Variants in MINAR1 observed in about 807,000 individuals in gnomAD.
MINAR1 encodes the protein major intrinsically disordered Notch2-binding receptor 1.
MINAR1 carries 40 observed loss-of-function variants against 65.1 expected under a neutral mutation model. The observed-to-expected ratio is 0.61, with a 90% CI of 0.48 to 0.80. MINAR1 has a LOEUF of 0.80. Ranked by LOEUF, MINAR1 falls within the 30% of genes least tolerant of loss-of-function variation. The pLI is 0.00. For missense variants in MINAR1, 1,128 were observed against 1,148.0 expected, an observed-to-expected ratio of 0.98 and a Z score of 0.25; for synonymous variants, 482 against 449.1, an observed-to-expected ratio of 1.07 and a Z score of -0.93.
chr15:79,428,026 C>G (rs1006360369), upstream of MINAR1, among the ~76,000 whole-genome samples: 4 of 152,158 alleles, frequency 2.6e-5, no homozygotes, highest in African/African-American at 9.7e-5. Flanking sequence ...CTCTCAGGAT[C>G]CAAAAGGAGA....
Position 79,469,539 on chromosome 15 carries a change from G to GTCTA in MINAR1, c.*1169_*1172dup, listed in dbSNP as rs373291507. 143 of 151,558 alleles carry GTCTA rather than the reference G, an allele frequency of 9.4e-4. No individual in the cohort carries two copies. The highest frequency in any genetic ancestry group is 2.6e-3 in the African/African-American group (105 of 40,934). The allele number at this position is 151,558 out of a possible 1,614,324, so 9.4% of individuals were successfully genotyped here. ...TATCTGTTTAACCACTTATCTATAT[G>GTCTA]TCTATCTATCTATCTATATGTCTAT... is the stretch of plus-strand genomic sequence containing the variant. On this transcript the variant is annotated 3_prime_UTR_variant, in exon 4 of 4. Coordinates refer to ENST00000305428, the MANE Select transcript of MINAR1 (RefSeq NM_015206.3).
the MINAR1 span, chr15:79,423,731 C>T: frequency 2.0e-5 from 3 of 152,236 alleles, no homozygotes; most frequent in Non-Finnish European, 4.4e-5. Context: ...TGCTCCAGCT[C>T]TTCTTATCTT....
At chr15:79,441,707 A>G (rs1430296363) in intron 1 of MINAR1, among the ~76,000 whole-genome samples, 1 of 152,158 alleles carries the variant, frequency 6.6e-6, no homozygotes, top group Non-Finnish European at 1.5e-5. Flanking sequence ...ATTCTCCCCA[A>G]CAGTGGTATG....
intron 1 of MINAR1, among the ~76,000 whole-genome samples, chr15:79,434,994 G>A (rs1311938496): frequency 6.6e-6 from 1 of 152,190 alleles, no homozygotes; most frequent in Admixed American, 6.5e-5. Context: ...AAGGTAAGTG[G>A]CCGGGAGCTG....
chr15:79,461,165 C>A (rs1895629591), intron 2 of MINAR1, among the ~76,000 whole-genome samples: 1 of 152,246 alleles, frequency 6.6e-6, no homozygotes, highest in African/African-American at 2.4e-5. Flanking sequence ...AGTGAGAACA[C>A]AAACTCAGTG....
Position 79,460,250 on chromosome 15 carries a change from G to A in MINAR1, c.2298+1805G>A, listed in dbSNP as rs145360315. 3.7e-4 allele frequency among the ~76,000 whole-genome samples: 57 copies of A among 152,232 alleles called. 1 individual carries two copies. Among genetic ancestry groups the A allele is most frequent in the African/African-American group, 1.3e-3 (53 of 41,538 alleles). ...GATTCCCATGGTAGTGACCAGACCC[G>A]GCCCACCTTTGGAGCTTTGGTTGCA... On this transcript the variant is annotated intron_variant, in intron 2 of 3. Transcript: ENST00000305428.
chr15:79,439,345 T>TGGGC, intron 1 of MINAR1, among the ~76,000 whole-genome samples: 1 of 40,846 alleles, frequency 2.4e-5, no homozygotes, highest in Non-Finnish European at 5.5e-5. Context: ...AGGCAGTGTG[T>TGGGC]GTGTGGGTAA....
chr15:79,456,256 CG>C lies in MINAR1; in HGVS notation c.111del (p.Phe38SerfsTer9). 1 of 1,614,092 alleles carries C rather than the reference CG, an allele frequency of 6.2e-7. No individual in the cohort carries two copies. On this transcript the variant is annotated frameshift_variant, in exon 2 of 4. Transcript: ENST00000305428. LOFTEE classifies it high-confidence loss of function. ...YQDLCKSLCA[R>X]FDLSQLAKLR... is the part of the protein sequence containing the mutation. ...GGACCTGTGCAAATCTCTCTGTGCC[CG>C]GTTCGACCTGTCGCAGCTTGCCAAA...
upstream of MINAR1, among the ~76,000 whole-genome samples, chr15:79,428,419 T>C (rs1352465989): frequency 2.7e-5 from 3 of 111,732 alleles, no homozygotes; most frequent in Non-Finnish European, 5.7e-5. Flanking sequence ...CCTCCTTCCT[T>C]CATTCTTTCC....
intron 1 of MINAR1, among the ~76,000 whole-genome samples, chr15:79,435,045 C>G (rs374725940): frequency 6.6e-6 from 1 of 152,270 alleles, no homozygotes; most frequent in Non-Finnish European, 1.5e-5. Flanking sequence ...GAGGCCGAAG[C>G]GGGTGGATCA....
chr15:79,462,757 T>C (rs1895694025), intron 2 of MINAR1, among the ~76,000 whole-genome samples: 1 of 152,218 alleles, frequency 6.6e-6, no homozygotes, highest in Non-Finnish European at 1.5e-5. Context: ...TCGGGGCAAG[T>C]TACTGAGTCT....
rs1895480002 is a variant in MINAR1, at chr15:79,457,596, G to C, written c.1449G>C (p.Glu483Asp). 2 of 1,614,182 alleles carry C rather than the reference G, an allele frequency of 1.2e-6. No individual in the cohort carries two copies. The highest frequency in any genetic ancestry group is 1.7e-6 in the Non-Finnish European group (2 of 1,180,032). Reference protein sequence around the residue: ...SVGTQTEHVLEPKKCRDLCTS... With the variant: ...SVGTQTEHVLDPKKCRDLCTS... ...GCACCCAGACTGAGCACGTGCTGGA[G>C]CCCAAGAAATGCAGAGACCTGTGCA... The change falls in exon 2 of 4, where the codon GAG (glutamate) becomes GAC (aspartate). Residue 483 changes from glutamate (E) to aspartate (D), a missense_variant. Coordinates refer to ENST00000305428, the MANE Select transcript of MINAR1 (RefSeq NM_015206.3).
chr15:79,464,218 G>T (rs1895756696), intron 3 of MINAR1, among the ~76,000 whole-genome samples: 1 of 152,246 alleles, frequency 6.6e-6, no homozygotes, highest in South Asian at 2.1e-4. Context: ...CACTCCATCT[G>T]ATTGAGGTTC....
chr15:79,434,979 T>A (rs893174235), intron 1 of MINAR1, among the ~76,000 whole-genome samples: 35 of 152,204 alleles, frequency 2.3e-4, no homozygotes, highest in African/African-American at 8.4e-4. Context: ...TTAAATCTTT[T>A]ATAAAAGGTA....
At chr15:79,464,355 A>G (rs80015635) in intron 3 of MINAR1, among the ~76,000 whole-genome samples, 1 of 152,242 alleles carries the variant, frequency 6.6e-6, no homozygotes, top group African/African-American at 2.4e-5. Flanking sequence ...CTGGTCAATG[A>G]TGCTGAAATC....
chr15:79,436,630 C>T (rs1894605931), intron 1 of MINAR1, among the ~76,000 whole-genome samples: 1 of 152,228 alleles, frequency 6.6e-6, no homozygotes, highest in Non-Finnish European at 1.5e-5. Context: ...TGTCATAGGA[C>T]TGTGACATGC....
At chr15:79,428,272 C>CTT (rs1215681601), upstream of MINAR1, among the ~76,000 whole-genome samples, 620 of 112,956 alleles carry the variant, frequency 5.5e-3, 48 homozygotes, top group East Asian at 0.081. Flanking sequence ...TTCCTTTCTT[C>CTT]TCCCTCTCTC....
In MINAR1 at chr15:79,468,248, G is replaced by C; in HGVS notation, c.2615G>C (p.Gly872Ala). 6.2e-7 allele frequency: 1 copy of C among 1,613,986 alleles called. No homozygotes were observed. Among genetic ancestry groups the C allele is most frequent in the Non-Finnish European group, 8.5e-7 (1 of 1,179,962 alleles). The part of the protein sequence containing the change: ...EYWMEDIYTP[G>A]YDSLLKRKEA... The stretch of plus-strand genomic sequence containing the variant: ...TGGATGGAAGACATTTATACTCCAG[G>C]ATACGATTCATTACTAAAACGTAAA... Residue 872 changes from glycine (G) to alanine (A), a missense_variant, in exon 4 of 4, where the codon GGA becomes GCA. Physicochemically the swap from Gly to Ala is moderately conservative, Grantham distance 60. Transcript: ENST00000305428.
In MINAR1 at chr15:79,470,888, C is replaced by A. The variant is rs11639283; in HGVS notation, c.*2504C>A. ...CTGACGCTGAGGTTATGAATCATTA[C>A]CATGGCTTGGAGCTATTGGATGCTT... On this transcript the variant is annotated 3_prime_UTR_variant, in exon 4 of 4. Transcript: ENST00000305428. 6.6e-6 allele frequency: 1 copy of A among 152,232 alleles called. No homozygotes were observed. Among genetic ancestry groups the A allele is most frequent in the East Asian group, 1.9e-4 (1 of 5,180 alleles). The allele number at this position is 152,232 out of a possible 1,614,324, so 9.4% of individuals were successfully genotyped here.
Sources: gnomAD v4.1 joint callset for allele counts (sites outside exome capture counted in the v4.1 genomes callset) on GRCh38, gnomAD v4.1.1 for gene constraint, MANE v1.5 for transcripts, NCBI Gene and HGNC (gene_info 2026-07-23, HGNC 2026-07-21) for gene names.